The following DOCK2 variants were observed in gnomAD, a reference collection of about 807,000 sequenced individuals.
DOCK2 encodes dedicator of cytokinesis protein 2.
In DOCK2, 87 loss-of-function variants were observed where a neutral mutation model predicts 248.9. The ratio of observed to expected loss-of-function variants is 0.35; its 90% CI spans 0.29 to 0.42. The LOEUF is 0.42. DOCK2 is among the 10% of genes least tolerant of loss of function. DOCK2 has a pLI of 1.00. For missense variants in DOCK2, 1,747 were observed against 2,300.2 expected, an observed-to-expected ratio of 0.76 and a Z score of 4.92; for synonymous variants, 805 against 821.6, an observed-to-expected ratio of 0.98 and a Z score of 0.35.
intron 26 of DOCK2, among the ~76,000 whole-genome samples, chr5:169,809,211 G>A (rs1033271120): frequency 2.0e-5 from 3 of 152,080 alleles, no homozygotes; most frequent in African/African-American, 4.8e-5. Flanking sequence ...GGCTGGTCCC[G>A]AACTCCTGAC....
At chr5:169,709,271 C>T (rs1237721551) in intron 15 of DOCK2, among the ~76,000 whole-genome samples, 2 of 152,162 alleles carry the variant, frequency 1.3e-5, no homozygotes, top group African/African-American at 2.4e-5. Context: ...CTTTGTGCCT[C>T]TCTGTGTAGT....
chr5:169,675,338 T>C (rs1313698643), intron 6 of DOCK2, among the ~76,000 whole-genome samples: 1 of 152,180 alleles, frequency 6.6e-6, no homozygotes, highest in Admixed American at 6.5e-5. Flanking sequence ...TTGAATGGCT[T>C]CCAAACATTC....
At chr5:170,080,660 CT>C (rs1381133244) in intron 50 of DOCK2, 3 of 211,862 alleles carry the variant, frequency 1.4e-5, no homozygotes, top group Non-Finnish European at 2.9e-5. Context: ...CTGGAAGACT[CT>C]TTCTGGCTTT....
At chr5:169,974,178 T>C (rs944560808) in intron 27 of DOCK2, among the ~76,000 whole-genome samples, 1 of 152,192 alleles carries the variant, frequency 6.6e-6, no homozygotes, top group Non-Finnish European at 1.5e-5. Context: ...TCTCTGTTCG[T>C]TGGTTTTCTT....
At chr5:169,938,896 C>CT (rs540935886) in intron 27 of DOCK2, among the ~76,000 whole-genome samples, 77 of 145,008 alleles carry the variant, frequency 5.3e-4, no homozygotes, top group African/African-American at 1.7e-3. Context: ...ATTTTTCTTT[C>CT]TTTTTTTTCT....
At chr5:169,720,410 T>C (rs1561634725) in intron 22 of DOCK2, among the ~76,000 whole-genome samples, 1 of 152,194 alleles carries the variant, frequency 6.6e-6, no homozygotes, top group East Asian at 1.9e-4. Flanking sequence ...ATTTATTTTA[T>C]TGCTTCTCCT....
chr5:169,944,970 C>T (rs1461993288), intron 27 of DOCK2, among the ~76,000 whole-genome samples: 1 of 152,186 alleles, frequency 6.6e-6, no homozygotes, highest in African/African-American at 2.4e-5. Context: ...TGGGGTCTAT[C>T]CAACCTGAGA....
At chr5:169,644,474 A>T (rs967467352) in intron 1 of DOCK2, among the ~76,000 whole-genome samples, 11 of 152,016 alleles carry the variant, frequency 7.2e-5, no homozygotes, top group Admixed American at 7.2e-4. Context: ...AGGAGAGAGG[A>T]GCCAGTGGTG....
At chr5:169,741,715 T>C (rs187600617) in intron 22 of DOCK2, among the ~76,000 whole-genome samples, 15 of 152,022 alleles carry the variant, frequency 9.9e-5, no homozygotes, top group Admixed American at 5.9e-4. Context: ...ATCCCCTGGA[T>C]AACGGATGCC....
At chr5:169,893,257 G>A (rs1483201762) in intron 27 of DOCK2, among the ~76,000 whole-genome samples, 1 of 152,198 alleles carries the variant, frequency 6.6e-6, no homozygotes, top group Non-Finnish European at 1.5e-5. Context: ...TGCTGCTGCT[G>A]CTGAATCTGA....
rs578123780 is a variant in DOCK2, at chr5:169,687,691, A to T, written c.762-1561A>T. ...GCTTCTTCTAACTTAAATAAGTGCT[A>T]GACCTCTCTATCTTCCTGGAGTGAT... On this transcript the variant is annotated intron_variant, in intron 8 of 51. Coordinates refer to ENST00000520908, the MANE Select transcript of DOCK2 (RefSeq NM_004946.3). 2.0e-5 allele frequency among the ~76,000 whole-genome samples: 3 copies of T among 152,332 alleles called. No individual in the cohort carries two copies. In the South Asian group the frequency reaches 6.2e-4, roughly 32 times the overall value.
At chr5:169,985,117 A>T (rs560921498) in intron 28 of DOCK2, among the ~76,000 whole-genome samples, 4 of 152,108 alleles carry the variant, frequency 2.6e-5, no homozygotes, top group African/African-American at 9.6e-5. Context: ...GTTGGCCAGG[A>T]TGGTCTCAAT....
chr5:169,722,310 T>C (rs113909739), intron 22 of DOCK2, among the ~76,000 whole-genome samples: 1 of 152,192 alleles, frequency 6.6e-6, no homozygotes, highest in African/African-American at 2.4e-5. Context: ...TTCCATGTGA[T>C]GGACACTAAG....
intron 2 of DOCK2, among the ~76,000 whole-genome samples, chr5:169,661,120 G>A (rs1479320426): frequency 2.0e-5 from 3 of 152,090 alleles, no homozygotes; most frequent in Non-Finnish European, 4.4e-5. Context: ...AACTCTCTGA[G>A]TTTTTAATCC....
At chr5:169,744,302 G>T (rs1282229365) in intron 22 of DOCK2, among the ~76,000 whole-genome samples, 2 of 152,184 alleles carry the variant, frequency 1.3e-5, no homozygotes, top group African/African-American at 4.8e-5. Context: ...CAGAGCCTTG[G>T]TTTAGTCTTA....
intron 27 of DOCK2, chr5:169,882,681 C>G (rs1325529524): frequency 1.3e-6 from 2 of 1,551,972 alleles, no homozygotes; most frequent in Non-Finnish European, 1.7e-6. Context: ...AGAGTTCACC[C>G]CGTGCCAGGT....
intron 2 of DOCK2, among the ~76,000 whole-genome samples, chr5:169,663,208 G>A (rs1179365276): frequency 6.6e-6 from 1 of 152,176 alleles, no homozygotes; most frequent in Non-Finnish European, 1.5e-5. Flanking sequence ...TCACATCTAT[G>A]CAAGGCCACA....
At chr5:169,913,150 C>T (rs1774700570) in intron 27 of DOCK2, among the ~76,000 whole-genome samples, 1 of 152,112 alleles carries the variant, frequency 6.6e-6, no homozygotes, top group South Asian at 2.1e-4. Flanking sequence ...ATTTAAAGGA[C>T]AACTATACTT....
chr5:169,666,139 C>T (rs958854501), intron 2 of DOCK2, among the ~76,000 whole-genome samples: 7 of 152,030 alleles, frequency 4.6e-5, no homozygotes, highest in Non-Finnish European at 7.4e-5. Context: ...TGGTGGGGGC[C>T]GCTTCTTGGT....
Sources: gnomAD v4.1 joint callset for allele counts (sites outside exome capture counted in the v4.1 genomes callset) on GRCh38, gnomAD v4.1.1 for gene constraint, MANE v1.5 for transcripts, NCBI Gene and HGNC (gene_info 2026-07-23, HGNC 2026-07-21) for gene names.